LRRCC1: variants seen among roughly 807,000 people sequenced by gnomAD.
The protein encoded by LRRCC1 is leucine-rich repeat and coiled-coil domain-containing protein 1.
Under a neutral mutation model 126.0 loss-of-function variants are expected in LRRCC1, and 115 were observed. The ratio of observed to expected loss-of-function variants is 0.91; its 90% CI spans 0.78 to 1.07. The LOEUF (loss-of-function observed/expected upper bound fraction) is 1.07. LRRCC1 is among the 50% of genes least tolerant of loss of function. The pLI is 0.00. For missense variants in LRRCC1, 1,172 were observed against 1,175.7 expected, an observed-to-expected ratio of 1.00 and a Z score of 0.05; for synonymous variants, 400 against 393.4, an observed-to-expected ratio of 1.02 and a Z score of -0.20.
intron 18 of LRRCC1, among the ~76,000 whole-genome samples, chr8:85,144,444 GTATATA>G (rs869241784): frequency 6.1e-5 from 7 of 114,926 alleles, no homozygotes; most frequent in Admixed American, 2.0e-4. Flanking sequence ...GTGTGTGTGT[GTATATA>G]TATATATATA....
In LRRCC1 at chr8:85,138,330, CAT is replaced by C. The variant is rs1811018141; in HGVS notation, c.2703-5_2703-4del. ...CCAATTTATTTTTCAAATTACTTCT[CAT>C]ATTAGTACACTGAATCGGAAGTGGC... On this transcript the variant is annotated splice_polypyrimidine_tract_variant and splice_region_variant and intron_variant, in intron 16 of 18. Transcript: ENST00000360375. 6.3e-7 allele frequency: 1 copy of C among 1,591,464 alleles called. No homozygotes were observed. Among genetic ancestry groups the C allele is most frequent in the Non-Finnish European group, 8.5e-7 (1 of 1,172,664 alleles).
chr8:85,112,806 C>T, intron 3 of LRRCC1, 126 bp from the exon 4 acceptor site: 2 of 527,632 alleles, frequency 3.8e-6, no homozygotes, highest in East Asian at 6.5e-5. Context: ...TTAGATATAG[C>T]TGTTCACAGC....
intron 12 of LRRCC1, 112 bp downstream of exon 12, chr8:85,132,073 A>C (rs1587423993): frequency 3.6e-6 from 3 of 841,194 alleles, no homozygotes; most frequent in East Asian, 2.7e-5. Flanking sequence ...CATAATCTTA[A>C]GTAAAATATA....
Position 85,129,982 on chromosome 8 carries a change from A to G in LRRCC1, c.1690A>G (p.Arg564Gly). The change falls in exon 11 of 19, where the codon AGA becomes GGA. Residue 564 changes from arginine (R) to glycine (G), a missense_variant. Arg to Gly is a moderately radical substitution (Grantham distance 125). Coordinates refer to ENST00000360375, the MANE Select transcript of LRRCC1 (RefSeq NM_033402.5). ...SAADREIYLL[R>G]TSLHREREQA... is the part of the protein sequence containing the mutation. The stretch of plus-strand genomic sequence containing the variant: ...TGCCGATAGAGAAATATACTTACTT[A>G]GAACTTCCCTTCATCGAGAAAGAGA... The G allele has an allele frequency of 3.7e-6, 6 of 1,604,912 alleles. No individual in the cohort carries two copies. The highest frequency in any genetic ancestry group is 5.1e-6 in the Non-Finnish European group (6 of 1,176,618).
rs1563927198 is a variant in LRRCC1 at position 85,110,119 on chromosome 8, TGAA to T, written c.319_321del (p.Glu107del). 2.4e-6 allele frequency: 3 copies of T among 1,238,232 alleles called. No homozygotes were observed. The highest frequency in any genetic ancestry group is 3.4e-6 in the Non-Finnish European group (3 of 881,684). 76.7% of individuals were successfully genotyped at this position (1,238,232 alleles called of 1,614,324 possible). On this transcript the variant is annotated inframe_deletion, in exon 3 of 19. Transcript: ENST00000360375. Reference sequence around the variant, plus strand: ...TATTTTACTTTTTTTTTTTAGGACTTGAAGAACTAATTAATCTGACTAGACTAA... The same window carrying T: ...TATTTTACTTTTTTTTTTTAGGACTTGAACTAATTAATCTGACTAGACTAA...
chr8:85,115,098 A>C lies in LRRCC1; in HGVS notation c.545-2A>C, dbSNP rs1163577277. ...TTTCATTTTGAATGATTTGTTTCCA[A>C]GGGTACAGAGCAGTTATTCTCCAGA... On this transcript the variant is annotated splice_acceptor_variant, in intron 4 of 18. Coordinates refer to ENST00000360375, the MANE Select transcript of LRRCC1 (RefSeq NM_033402.5). LOFTEE classifies it high-confidence loss of function. The C allele has an allele frequency of 1.9e-6, 3 of 1,546,802 alleles. No individual in the cohort carries two copies. Among genetic ancestry groups the C allele is most frequent in the Admixed American group, 2.1e-5 (1 of 47,146 alleles).
chr8:85,119,638 C>G (rs958158124), intron 6 of LRRCC1, among the ~76,000 whole-genome samples: 2 of 151,970 alleles, frequency 1.3e-5, no homozygotes, highest in African/African-American at 4.8e-5. Flanking sequence ...GGATTACAGG[C>G]ATGTGCTACC....
chr8:85,115,191 A>G lies in LRRCC1; in HGVS notation c.636A>G (p.Ile212Met). 4.3e-6 allele frequency: 7 copies of G among 1,612,964 alleles called. No individual in the cohort carries two copies. Among genetic ancestry groups the G allele is most frequent in the Non-Finnish European group, 5.9e-6 (7 of 1,179,310 alleles). The change falls in exon 5 of 19, where the codon ATA becomes ATG. Residue 212 changes from isoleucine (I) to methionine (M), a missense_variant. Transcript: ENST00000360375. ...IFGEPVNLTE[I>M]NSSQLQCLEG... Reference sequence around the variant, plus strand: ...GTGAACCAGTAAATTTGACAGAAATAAATTCATCACAGCTGCAGTGCCTAG... The same window carrying G: ...GTGAACCAGTAAATTTGACAGAAATGAATTCATCACAGCTGCAGTGCCTAG...
Position 85,145,835 on chromosome 8 carries a change from G to A in LRRCC1, c.*324G>A, listed in dbSNP as rs758027342. Reference sequence around the variant, plus strand: ...AAAGATTAGTATTTTCACCATATGAGGTAAAACATTTTAATCATTGTTATC... The same window carrying A: ...AAAGATTAGTATTTTCACCATATGAAGTAAAACATTTTAATCATTGTTATC... On this transcript the variant is annotated 3_prime_UTR_variant, in exon 19 of 19. Coordinates refer to ENST00000360375, the MANE Select transcript of LRRCC1 (RefSeq NM_033402.5). The A allele has an allele frequency of 1.1e-4, 18 of 156,706 alleles. No individual in the cohort carries two copies. Among genetic ancestry groups the A allele is most frequent in the Non-Finnish European group, 2.2e-4 (16 of 71,184 alleles). The allele number at this position is 156,706 out of a possible 1,614,324, so 9.7% of individuals were successfully genotyped here.
In LRRCC1 at chr8:85,115,229, A is replaced by G. The variant is rs748800974; in HGVS notation, c.674A>G (p.Asp225Gly). 54 of 1,611,834 alleles carry G rather than the reference A, an allele frequency of 3.4e-5. No individual in the cohort carries two copies. Among genetic ancestry groups the G allele is most frequent in the Non-Finnish European group, 7.6e-6 (9 of 1,178,996 alleles). Residue 225 changes from aspartate to glycine, a missense_variant, in exon 5 of 19, where the codon GAT (aspartate) becomes GGT (glycine). By Grantham distance (94) the Asp-to-Gly change is moderately conservative. Coordinates refer to ENST00000360375, the MANE Select transcript of LRRCC1 (RefSeq NM_033402.5). ...SQLQCLEGLL[D>G]NLVSSDSPLN... ...CTGCAGTGCCTAGAAGGTCTTTTGGATAATTTAGTTTCTTCTGATTCTCCC... is the reference window on the plus strand; with the variant it reads ...CTGCAGTGCCTAGAAGGTCTTTTGGGTAATTTAGTTTCTTCTGATTCTCCC...
intron 6 of LRRCC1, among the ~76,000 whole-genome samples, chr8:85,119,559 T>A (rs1183894130): frequency 2.6e-5 from 4 of 151,830 alleles, no homozygotes; most frequent in African/African-American, 9.7e-5. Context: ...TGGCCTAATA[T>A]CAGCTCACTA....
intron 17 of LRRCC1, among the ~76,000 whole-genome samples, chr8:85,140,900 TA>T (rs1811204463): frequency 6.6e-6 from 1 of 152,042 alleles, no homozygotes; most frequent in East Asian, 1.9e-4. Context: ...CTGTCTCTAC[TA>T]AAAATACAGA....
intron 3 of LRRCC1, among the ~76,000 whole-genome samples, chr8:85,110,461 A>G (rs1448919523): frequency 6.6e-6 from 1 of 152,226 alleles, no homozygotes; most frequent in Non-Finnish European, 1.5e-5. Flanking sequence ...CCAATTAATC[A>G]ATGTACTGTT....
At chr8:85,107,463 TGGC>T (rs1808327484) in intron 1 of LRRCC1, 64 bp downstream of exon 1, 2 of 1,398,576 alleles carry the variant, frequency 1.4e-6, no homozygotes, top group South Asian at 2.6e-5. Context: ...CACGAGTGGC[TGGC>T]GGCGACACCA....
intron 12 of LRRCC1, among the ~76,000 whole-genome samples, chr8:85,132,520 G>A (rs1810559387): frequency 6.6e-6 from 1 of 151,622 alleles, no homozygotes; most frequent in African/African-American, 2.4e-5. Flanking sequence ...AGCCTCCCAA[G>A]TAGCTGGGAC....
chr8:85,122,066 A>AT (rs975343318), intron 6 of LRRCC1, among the ~76,000 whole-genome samples: 9 of 151,488 alleles, frequency 5.9e-5, no homozygotes, highest in African/African-American at 1.7e-4. Flanking sequence ...TCAATTGACA[A>AT]TTTTTTTTTC....
At chr8:85,126,384 C>G (rs577377712) in intron 8 of LRRCC1, among the ~76,000 whole-genome samples, 2 of 152,068 alleles carry the variant, frequency 1.3e-5, no homozygotes, top group South Asian at 4.2e-4. Context: ...TGGTGAAACC[C>G]CATCTCTACT....
rs1809856624 is a variant in LRRCC1, at chr8:85,124,949, A to G, written c.1272+10A>G. Reference sequence around the variant, plus strand: ...AGACAACACTTACCAGGTATGATTTAAGAGTTAAAGAAAAAATGAGTATGA... The same window carrying G: ...AGACAACACTTACCAGGTATGATTTGAGAGTTAAAGAAAAAATGAGTATGA... On this transcript the variant is annotated intron_variant, in intron 8 of 18. Coordinates refer to ENST00000360375, the MANE Select transcript of LRRCC1 (RefSeq NM_033402.5). 1.9e-6 allele frequency: 3 copies of G among 1,560,612 alleles called. No homozygotes were observed. The East Asian group carries it at 7.0e-5, about 36-fold the overall frequency.
chr8:85,121,990 A>G (rs190351817), intron 6 of LRRCC1, among the ~76,000 whole-genome samples: 1 of 152,332 alleles, frequency 6.6e-6, no homozygotes, highest in East Asian at 1.9e-4. Context: ...TTGTAGCGTT[A>G]CATCTGTGGA....
Sources: allele counts gnomAD v4.1 joint callset (sites outside exome capture counted in the v4.1 genomes callset), GRCh38; gene constraint gnomAD v4.1.1; transcripts MANE v1.5; gene names NCBI Gene and HGNC (gene_info 2026-07-23, HGNC 2026-07-21).